TET1: variants seen among roughly 807,000 people sequenced by gnomAD.
TET1 encodes methylcytosine dioxygenase TET1.
In TET1, 13 loss-of-function variants were observed where a neutral mutation model predicts 148.7. The observed-to-expected ratio is 0.09, with a 90% CI of 0.06 to 0.14. The LOEUF is 0.14. Among genes scored for constraint, TET1 ranks in the 10% least tolerant of loss-of-function variants. The pLI is 1.00. For synonymous variants in TET1, 907 were observed against 937.2 expected (o/e 0.97, Z 0.59); for missense variants, 2,182 against 2,553.8 (o/e 0.85, Z 3.14).
intron 2 of TET1, among the ~76,000 whole-genome samples, chr10:68,577,336 C>T (rs535819500): frequency 1.1e-4 from 17 of 152,108 alleles, no homozygotes; most frequent in Non-Finnish European, 2.2e-4. Context: ...CGTGAGCCAC[C>T]GTGCCTGGCC....
chr10:68,596,547 T>C (rs572952466), intron 2 of TET1, among the ~76,000 whole-genome samples: 1 of 152,200 alleles, frequency 6.6e-6, no homozygotes, highest in Non-Finnish European at 1.5e-5. Flanking sequence ...CCTTGGCCTC[T>C]CAAAGTGCTT....
At chr10:68,683,740 TCAAA>T (rs752712139) in intron 10 of TET1, among the ~76,000 whole-genome samples, 14 of 152,208 alleles carry the variant, frequency 9.2e-5, no homozygotes, top group Non-Finnish European at 1.6e-4. Context: ...TTCTCTGCTA[TCAAA>T]CTAGTAGGTA....
Position 68,647,746 on chromosome 10 carries a change from CAT to C in TET1, c.4276+744_4276+745del, listed in dbSNP as rs1419926815. 3.3e-5 allele frequency among the ~76,000 whole-genome samples: 5 copies of C among 152,176 alleles called. No individual in the cohort carries two copies. The South Asian group carries it at 6.2e-4, about 19-fold the overall frequency. On this transcript the variant is annotated intron_variant, in intron 4 of 11. Coordinates refer to ENST00000373644, the MANE Select transcript of TET1 (RefSeq NM_030625.3). ...GAAGATACATATAGAGAATGTAAAA[CAT>C]ATGTATAAGTTAACAGTTAAGAAAT...
At position 68,572,719 on chromosome 10, in the gene TET1, G is replaced by T. The variant is rs767144503; in HGVS notation, c.381G>T (p.Lys127Asn). The T allele has an allele frequency of 1.2e-6, 2 of 1,614,036 alleles. No homozygotes were observed. Among genetic ancestry groups the T allele is most frequent in the Non-Finnish European group, 1.7e-6 (2 of 1,180,004 alleles). ...QPPLVVAKSKKVPLSKGLEKQ... is the reference protein window; with the variant it reads ...QPPLVVAKSKNVPLSKGLEKQ... ...CACTGGTCGTAGCCAAATCCAAAAA[G>T]GTTCCACTTTCTAAGGGTTTAGAAA... The change falls in exon 2 of 12, where the codon AAG becomes AAT. Residue 127 changes from lysine to asparagine, a missense_variant. Physicochemically the swap from Lys to Asn is moderately conservative, Grantham distance 94. Transcript: ENST00000373644.
At chr10:68,637,186 ATGGGTTTT>A (rs2054665741) in intron 3 of TET1, among the ~76,000 whole-genome samples, 1 of 151,862 alleles carries the variant, frequency 6.6e-6, no homozygotes, top group Non-Finnish European at 1.5e-5. Flanking sequence ...TTTAGTAGAG[ATGGGTTTT>A]CACTGTGTTG....
At chr10:68,568,469 C>T (rs190031903) in intron 1 of TET1, among the ~76,000 whole-genome samples, 1 of 151,516 alleles carries the variant, frequency 6.6e-6, no homozygotes, top group Non-Finnish European at 1.5e-5. Context: ...GTGATCTGTC[C>T]ACCTCAGGTG....
intron 3 of TET1, among the ~76,000 whole-genome samples, chr10:68,624,104 CT>C (rs71019040): frequency 5.5e-5 from 8 of 146,006 alleles, no homozygotes; most frequent in Admixed American, 6.9e-5. Context: ...TCTTTCTTTT[CT>C]TTTTTTTTTG....
At chr10:68,683,791 A>G (rs1419280875) in intron 10 of TET1, among the ~76,000 whole-genome samples, 3 of 152,226 alleles carry the variant, frequency 2.0e-5, no homozygotes, top group South Asian at 4.1e-4. Flanking sequence ...TGTTTTTGCC[A>G]TCTGCACTTC....
chr10:68,573,251 G>A lies in TET1; in HGVS notation c.913G>A (p.Val305Ile). 1 of 1,613,796 alleles carries A rather than the reference G, an allele frequency of 6.2e-7. No individual in the cohort carries two copies. Among genetic ancestry groups the A allele is most frequent in the South Asian group, 1.1e-5 (1 of 91,036 alleles). The change falls in exon 2 of 12, where the codon GTT becomes ATT. Residue 305 changes from valine to isoleucine, a missense_variant. Transcript: ENST00000373644. ...DCYPTSSLNK[V>I]IPDLNLRNCL... ...CTACCCCACCTCCAGTCTTAATAAG[G>A]TTATACCTGACTTGAACCTTAGAAA...
intron 6 of TET1, among the ~76,000 whole-genome samples, chr10:68,658,317 T>C (rs2055055855): frequency 6.6e-6 from 1 of 152,094 alleles, no homozygotes; most frequent in Non-Finnish European, 1.5e-5. Context: ...ATTCAAGTGA[T>C]TTTCCTGCCT....
chr10:68,606,471 T>C (rs1338889445), intron 3 of TET1, among the ~76,000 whole-genome samples: 1 of 152,208 alleles, frequency 6.6e-6, no homozygotes, highest in South Asian at 2.1e-4. Context: ...AAATAAATCA[T>C]TGGTAAAGTA....
At chr10:68,640,939 T>C (rs572066056) in intron 3 of TET1, among the ~76,000 whole-genome samples, 1 of 151,866 alleles carries the variant, frequency 6.6e-6, no homozygotes, top group East Asian at 1.9e-4. Flanking sequence ...TGATATTATG[T>C]AAATAAAAAT....
At chr10:68,622,204 TCCTTCCTTCCTTCCTTCCCTCCTTCCTC>T (rs1358423457) in intron 3 of TET1, among the ~76,000 whole-genome samples, 176 of 131,876 alleles carry the variant, frequency 1.3e-3, no homozygotes, top group East Asian at 4.5e-3. Context: ...CTTCCTTCCT[TCCTTCCTTCCTTCCTTCCCTCCTTCCTC>T]CCTTCCCTCC....
chr10:68,686,670 A>G lies in TET1; in HGVS notation c.5367A>G (p.Thr1789=), dbSNP rs1254116339. 36 of 1,613,970 alleles carry G rather than the reference A, an allele frequency of 2.2e-5. No homozygotes were observed. The highest frequency in any genetic ancestry group is 2.9e-5 in the Non-Finnish European group (34 of 1,180,014). ...TCAAGCGGAAGAATAACTCAACAAC[A>G]ACAAACAACAGTAAGCCTTCGTCAC... The part of the protein sequence containing the change: ...PRIKRKNNST[T]TNNSKPSSLP... Residue 1789 remains threonine (T), a synonymous_variant, in exon 11 of 12, where the codon ACA becomes ACG. Coordinates refer to ENST00000373644, the MANE Select transcript of TET1 (RefSeq NM_030625.3).
intron 8 of TET1, chr10:68,673,635 T>C (rs1348695843): frequency 6.1e-6 from 1 of 163,606 alleles, no homozygotes; most frequent in Non-Finnish European, 1.3e-5. Context: ...GGGGCACCAA[T>C]AGGAACTAAG....
intron 2 of TET1, among the ~76,000 whole-genome samples, chr10:68,595,634 T>G (rs1313131201): frequency 7.4e-6 from 1 of 135,698 alleles, no homozygotes; most frequent in Non-Finnish European, 1.6e-5. Flanking sequence ...TTTTTTTTTT[T>G]GAGGTGTAGT....
chr10:68,620,763 A>G (rs1382599077), intron 3 of TET1, among the ~76,000 whole-genome samples: 1 of 152,200 alleles, frequency 6.6e-6, no homozygotes, highest in Admixed American at 6.6e-5. Flanking sequence ...TTTCCAAAGC[A>G]GCTTCATCCT....
chr10:68,584,578 A>G (rs948624319), intron 2 of TET1, among the ~76,000 whole-genome samples: 3 of 149,772 alleles, frequency 2.0e-5, no homozygotes, highest in African/African-American at 7.3e-5. Context: ...GCGTGGTGGC[A>G]TGCACCTGTA....
At chr10:68,667,795 G>T (rs900284607) in intron 7 of TET1, among the ~76,000 whole-genome samples, 1 of 151,158 alleles carries the variant, frequency 6.6e-6, no homozygotes, top group Non-Finnish European at 1.5e-5. Context: ...TTCCCAAAAA[G>T]GGAAGCAATG....
Sources: gnomAD v4.1 joint callset for allele counts (sites outside exome capture counted in the v4.1 genomes callset) on GRCh38, gnomAD v4.1.1 for gene constraint, MANE v1.5 for transcripts, NCBI Gene and HGNC (gene_info 2026-07-23, HGNC 2026-07-21) for gene names.